COL27A1: variants seen among roughly 807,000 people sequenced by gnomAD.
COL27A1 encodes collagen alpha-1(XXVII) chain.
Under a neutral mutation model 251.3 loss-of-function variants are expected in COL27A1, and 106 were observed. That is an observed-to-expected ratio of 0.42 (90% CI 0.36 to 0.50). The LOEUF is 0.50. Among genes scored for constraint, COL27A1 ranks in the 20% least tolerant of loss-of-function variants. The pLI is 0.00. For synonymous variants in COL27A1, 1,000 were observed against 986.3 expected, an observed-to-expected ratio of 1.01 and a Z score of -0.26; for missense variants, 2,325 against 2,522.8, an observed-to-expected ratio of 0.92 and a Z score of 1.68.
chr9:114,241,697 G>A (rs1265304210), intron 21 of COL27A1, among the ~76,000 whole-genome samples: 1 of 152,168 alleles, frequency 6.6e-6, no homozygotes, highest in Non-Finnish European at 1.5e-5. Flanking sequence ...CCTTAGACAC[G>A]GCACCATCCC....
Position 114,215,907 on chromosome 9 carries a change from G to T in COL27A1, c.2368-3884G>T, listed in dbSNP as rs1284939018. Among the ~76,000 whole-genome samples, 4 of 152,146 alleles carry T rather than the reference G, an allele frequency of 2.6e-5. No homozygotes were observed. In the East Asian group the frequency reaches 7.7e-4, roughly 29 times the overall value. ...CAGTGCTGACTGTTTTGCAGGCCAG[G>T]GACCTGAGCCTTAGGAGCATGAGGG... On this transcript the variant is annotated intron_variant, in intron 12 of 60. Coordinates refer to ENST00000356083, the MANE Select transcript of COL27A1 (RefSeq NM_032888.4).
intron 12 of COL27A1, among the ~76,000 whole-genome samples, chr9:114,211,455 G>A (rs1164825313): frequency 1.3e-5 from 2 of 152,248 alleles, no homozygotes; most frequent in African/African-American, 2.4e-5. Context: ...TCATGCACAC[G>A]CAAAGCCAGA....
chr9:114,243,925 AT>A (rs397894289), intron 23 of COL27A1, among the ~76,000 whole-genome samples: 232 of 78,754 alleles, frequency 2.9e-3, no homozygotes, highest in East Asian at 4.9e-3. Flanking sequence ...TTTTTCTTTC[AT>A]TTTTTTTTTT....
intron 28 of COL27A1, 92 bp from the exon 29 acceptor site, chr9:114,264,263 G>A: frequency 1.0e-6 from 1 of 975,716 alleles, no homozygotes; most frequent in Non-Finnish European, 1.5e-6. Context: ...TGCAGGGGAA[G>A]GCCCCAGGCT....
intron 48 of COL27A1, among the ~76,000 whole-genome samples, chr9:114,291,434 A>G (rs1211697444): frequency 4.6e-5 from 7 of 152,180 alleles, no homozygotes; most frequent in Admixed American, 1.3e-4. Flanking sequence ...GCCTTGACCC[A>G]GGGAAGATGT....
At chr9:114,300,239 CAG>C in intron 50 of COL27A1, 116 bp downstream of exon 50, 1 of 1,067,740 alleles carries the variant, frequency 9.4e-7, no homozygotes, top group Non-Finnish European at 1.4e-6. Flanking sequence ...GGAAAACAGC[CAG>C]AATCAGGCAT....
chr9:114,243,605 T>G, intron 23 of COL27A1, 45 bp downstream of exon 23: 1 of 1,508,390 alleles, frequency 6.6e-7, no homozygotes, highest in Non-Finnish European at 9.2e-7. Flanking sequence ...AAAGAGGGGA[T>G]CCTACATATC....
intron 5 of COL27A1, among the ~76,000 whole-genome samples, chr9:114,187,971 G>T (rs1278659102): frequency 2.0e-5 from 3 of 152,178 alleles, no homozygotes; most frequent in African/African-American, 7.2e-5. Flanking sequence ...TTGAATCCTG[G>T]CTCTACTGAT....
intron 21 of COL27A1, among the ~76,000 whole-genome samples, chr9:114,241,179 CT>C (rs1350437249): frequency 6.6e-6 from 1 of 152,256 alleles, no homozygotes. Context: ...GGGTGGGCCC[CT>C]GATTTTGCCC....
intron 37 of COL27A1, 61 bp downstream of exon 37, chr9:114,275,829 G>T: frequency 8.7e-7 from 1 of 1,148,480 alleles, no homozygotes; most frequent in Non-Finnish European, 1.2e-6. Flanking sequence ...TCTCATGCCT[G>T]TGCAGGCGGC....
At chr9:114,237,148 TG>T in intron 18 of COL27A1, 114 bp downstream of exon 18, 1 of 1,036,274 alleles carries the variant, frequency 9.6e-7, no homozygotes, top group Non-Finnish European at 1.4e-6. Flanking sequence ...GCAGAGCTCC[TG>T]GGGGCAAGCA....
chr9:114,310,771 G>T lies in COL27A1; in HGVS notation c.*76G>T. 2 of 1,526,024 alleles carry T rather than the reference G, an allele frequency of 1.3e-6. No individual in the cohort carries two copies. Among genetic ancestry groups the T allele is most frequent in the Non-Finnish European group, 9.0e-7 (1 of 1,113,382 alleles). 94.5% of individuals were successfully genotyped at this position (1,526,024 alleles called of 1,614,324 possible). A position where few individuals can be genotyped will look rare whatever the true frequency, so the allele number is the denominator to read the frequency against. On this transcript the variant is annotated 3_prime_UTR_variant, in exon 61 of 61. Transcript: ENST00000356083. ...GGCAAGGGGAGGGTACTGAGGGGCAGATGGCTCCAGGAGAGGCAGCTCCCC... is the reference window on the plus strand; with the variant it reads ...GGCAAGGGGAGGGTACTGAGGGGCATATGGCTCCAGGAGAGGCAGCTCCCC...
chr9:114,309,129 C>T (rs1829266359), intron 59 of COL27A1, 131 bp from the exon 60 acceptor site: 3 of 776,870 alleles, frequency 3.9e-6, no homozygotes, highest in Non-Finnish European at 6.8e-6. Flanking sequence ...GGGCACATGT[C>T]TGGGAGCATA....
At chr9:114,200,224 T>A (rs1341590982) in intron 7 of COL27A1, among the ~76,000 whole-genome samples, 1 of 152,206 alleles carries the variant, frequency 6.6e-6, no homozygotes, top group Non-Finnish European at 1.5e-5. Context: ...CAGGCTCCCC[T>A]GCTTCTGCAG....
At chr9:114,261,147 G>A (rs1277656955) in intron 28 of COL27A1, among the ~76,000 whole-genome samples, 2 of 152,204 alleles carry the variant, frequency 1.3e-5, no homozygotes, top group Non-Finnish European at 2.9e-5. Flanking sequence ...AGCACGTGAT[G>A]GTGTGTGCTC....
chr9:114,227,442 T>C (rs1831558003), intron 14 of COL27A1, among the ~76,000 whole-genome samples: 1 of 151,738 alleles, frequency 6.6e-6, no homozygotes, highest in African/African-American at 2.4e-5. Flanking sequence ...TATTGCTCGA[T>C]CTCAGGCAGG....
chr9:114,274,015 G>A (rs1835322931), intron 36 of COL27A1: 1 of 152,176 alleles, frequency 6.6e-6, no homozygotes, highest in African/African-American at 2.4e-5. Flanking sequence ...GCCAAAGTGA[G>A]TGGATCATCT....
chr9:114,233,132 C>T, intron 16 of COL27A1, among the ~76,000 whole-genome samples: 1 of 152,198 alleles, frequency 6.6e-6, no homozygotes, highest in Middle Eastern at 3.2e-3. Flanking sequence ...GCTCCAGAGA[C>T]CTCAACTGTG....
chr9:114,309,235 G>A (rs748160799), intron 59 of COL27A1, 25 bp from the exon 60 acceptor site: 34 of 1,605,306 alleles, frequency 2.1e-5, no homozygotes, highest in East Asian at 6.8e-5. Flanking sequence ...AGCCTGAGCC[G>A]CTCACTGCCG....
Sources: allele counts gnomAD v4.1 joint callset (sites outside exome capture counted in the v4.1 genomes callset), GRCh38; gene constraint gnomAD v4.1.1; transcripts MANE v1.5; gene names NCBI Gene and HGNC (gene_info 2026-07-23, HGNC 2026-07-21).